Variants in BRD1 observed in about 807,000 individuals in gnomAD.
The protein encoded by BRD1 is bromodomain containing 1, also known as bromodomain-containing protein 1.
BRD1 carries 24 observed loss-of-function variants against 107.7 expected under a neutral mutation model. The ratio of observed to expected loss-of-function variants is 0.22; its 90% CI spans 0.16 to 0.31. The LOEUF (loss-of-function observed/expected upper bound fraction) is 0.31. Ranked by LOEUF, BRD1 falls within the 10% of genes least tolerant of loss-of-function variation. The probability of loss-of-function intolerance (pLI) is 1.00; values close to 1 mark genes in which losing one functional copy is unlikely to be tolerated. For missense variants in BRD1, 1,279 were observed against 1,638.6 expected (o/e 0.78, Z 3.79); for synonymous variants, 744 against 686.1 (o/e 1.08, Z -1.32).
At chr22:49,787,244 T>C in intron 8 of BRD1, 146 bp downstream of exon 8, 1 of 1,118,042 alleles carries the variant, frequency 8.9e-7, no homozygotes, top group Non-Finnish European at 1.2e-6. Flanking sequence ...AAGAAAACAC[T>C]GCACTGTTGT....
rs2060128138 is a variant in BRD1, at chr22:49,824,758, A to G, written c.-14-427T>C. ...CTGGACCCCACCAGGCACAGAGGCT[A>G]TGCCCACCAGACAGGCATGCTCAGT... On this transcript the variant is annotated intron_variant, in intron 1 of 12. Coordinates refer to ENST00000404760, the MANE Select transcript of BRD1 (RefSeq NM_001304808.3). The surrounding 1 kb of genome is among the most constrained non-coding windows in gnomAD (Gnocchi z 5.9). 9.7e-7 allele frequency: 1 copy of G among 1,033,114 alleles called. No individual in the cohort carries two copies. The highest frequency in any genetic ancestry group is 1.2e-6 in the Non-Finnish European group (1 of 857,512). The allele number at this position is 1,033,114 out of a possible 1,614,324, so 64.0% of individuals were successfully genotyped here. A position where few individuals can be genotyped will look rare whatever the true frequency, so the allele number is the denominator to read the frequency against.
chr22:49,784,436 G>A lies in BRD1; in HGVS notation c.2857+2954C>T, dbSNP rs558893672. Among the ~76,000 whole-genome samples the A allele has an allele frequency of 4.9e-4, 74 of 152,334 alleles. 1 individual carries two copies. Among genetic ancestry groups the A allele is most frequent in the Admixed American group, 9.8e-4 (15 of 15,302 alleles). ...TCACTGCTGGTGAGCGTGCAGTCAC[G>A]GAGGAAGGAAGCCACGAGTCAGGGC... On this transcript the variant is annotated intron_variant, in intron 8 of 12. Transcript: ENST00000404760.
intron 2 of BRD1, among the ~76,000 whole-genome samples, chr22:49,812,744 C>T (rs2059873966): frequency 6.6e-6 from 1 of 152,224 alleles, no homozygotes; most frequent in South Asian, 2.1e-4. Flanking sequence ...AAAGCTACTG[C>T]CCACTGTACA....
At chr22:49,789,185 C>G (rs951276255) in intron 7 of BRD1, among the ~76,000 whole-genome samples, 8 of 152,228 alleles carry the variant, frequency 5.3e-5, no homozygotes, top group African/African-American at 1.9e-4. Flanking sequence ...GCACAGCTGT[C>G]ATGTGGGAAT....
chr22:49,783,630 C>T lies in BRD1; in HGVS notation c.2857+3760G>A, dbSNP rs886221825. Among the ~76,000 whole-genome samples the T allele has an allele frequency of 3.3e-5, 5 of 152,150 alleles. No homozygotes were observed. The highest frequency in any genetic ancestry group is 7.3e-5 in the Non-Finnish European group (5 of 68,028). ...CCAGTCGGTGCCGGGCTCTCCTCTG[C>T]GTCCTTCGTGACTGTCCAGAGGGAA... On this transcript the variant is annotated intron_variant, in intron 8 of 12. Coordinates refer to ENST00000404760, the MANE Select transcript of BRD1 (RefSeq NM_001304808.3). This position sits in a 1 kb window ranked among gnomAD's most constrained non-coding sequence, Gnocchi z 4.2.
At chr22:49,814,406 C>T (rs1378726764) in intron 2 of BRD1, among the ~76,000 whole-genome samples, 1 of 152,170 alleles carries the variant, frequency 6.6e-6, no homozygotes, top group Non-Finnish European at 1.5e-5. Flanking sequence ...CGGCCAGAGC[C>T]CTGAATCTCA....
At chr22:49,798,899 G>A in intron 4 of BRD1, 89 bp downstream of exon 4, 2 of 1,502,482 alleles carry the variant, frequency 1.3e-6, no homozygotes, top group Non-Finnish European at 1.8e-6. Flanking sequence ...GACCCACCGG[G>A]TGCAGCCCAC....
chr22:49,803,383 T>C lies in BRD1; in HGVS notation c.1524+821A>G, dbSNP rs771886298. 6.6e-6 allele frequency among the ~76,000 whole-genome samples: 1 copy of C among 152,206 alleles called. No homozygotes were observed. The highest frequency in any genetic ancestry group is 1.5e-5 in the Non-Finnish European group (1 of 68,046). On this transcript the variant is annotated intron_variant, in intron 3 of 12. Coordinates refer to ENST00000404760, the MANE Select transcript of BRD1 (RefSeq NM_001304808.3). This position sits in a 1 kb window ranked among gnomAD's most constrained non-coding sequence, Gnocchi z 4.4. ...ACCATGAGGAAATTCCAAGAGGCAC[T>C]CAGGCCACGCGACGCCAGCAGCAGA...
chr22:49,776,941 C>T, intron 10 of BRD1, 93 bp downstream of exon 10: 1 of 1,544,724 alleles, frequency 6.5e-7, no homozygotes, highest in Non-Finnish European at 8.8e-7. Flanking sequence ...GGGCACCATG[C>T]TCCCTGAGCC....
chr22:49,787,340 C>A, intron 8 of BRD1, 50 bp downstream of exon 8: 1 of 1,425,102 alleles, frequency 7.0e-7, no homozygotes, highest in Non-Finnish European at 9.3e-7. Flanking sequence ...GAAGGACGCT[C>A]CAGGCACTGG....
intron 2 of BRD1, among the ~76,000 whole-genome samples, chr22:49,819,744 A>G (rs1180092251): frequency 6.6e-6 from 1 of 151,264 alleles, no homozygotes; most frequent in Non-Finnish European, 1.5e-5. Context: ...CCACACACCC[A>G]GCCCTGCCTG....
At position 49,783,167 on chromosome 22, in the gene BRD1, C is replaced by G. The variant is rs1569090860; in HGVS notation, c.2857+4223G>C. Among the ~76,000 whole-genome samples, 1 of 152,262 alleles carries G rather than the reference C, an allele frequency of 6.6e-6. No individual in the cohort carries two copies. The highest frequency in any genetic ancestry group is 2.1e-4 in the South Asian group (1 of 4,832). On this transcript the variant is annotated intron_variant, in intron 8 of 12. Transcript: ENST00000404760. The surrounding 1 kb of genome is among the most constrained non-coding windows in gnomAD (Gnocchi z 4.2). ...TCCATGACAATGCAGCTGGGATGGT[C>G]AGAGACAGACCCAAGGCCCAGGACA...
intron 12 of BRD1, among the ~76,000 whole-genome samples, 198 bp from the exon 13 acceptor site, chr22:49,774,614 TA>T (rs1476534982): frequency 1.3e-5 from 2 of 151,718 alleles, no homozygotes; most frequent in Non-Finnish European, 2.9e-5. Context: ...GACTTGGGGA[TA>T]CGGGGAGCTA....
intron 4 of BRD1, 106 bp downstream of exon 4, chr22:49,798,882 G>C: frequency 6.8e-7 from 1 of 1,473,332 alleles, no homozygotes; most frequent in Non-Finnish European, 9.0e-7. Context: ...GCACTGCTGT[G>C]GGCCAGGACC....
intron 12 of BRD1, 141 bp downstream of exon 12, chr22:49,775,450 G>A (rs2059062633): frequency 1.2e-6 from 1 of 821,516 alleles, no homozygotes; most frequent in Non-Finnish European, 1.7e-6. Flanking sequence ...CAGGCAAACA[G>A]CGGAGCACTC....
intron 12 of BRD1, among the ~76,000 whole-genome samples, chr22:49,774,632 G>A (rs1468563796): frequency 1.3e-5 from 2 of 152,096 alleles, no homozygotes; most frequent in Non-Finnish European, 2.9e-5. Context: ...GCTAAGTAAG[G>A]CATAAAAACC....
intron 9 of BRD1, 91 bp from the exon 10 acceptor site, chr22:49,777,252 T>C: frequency 3.8e-6 from 6 of 1,564,198 alleles, no homozygotes; most frequent in South Asian, 1.1e-5. Context: ...GCCACCAAGC[T>C]GGCCACGCAT....
intron 2 of BRD1, chr22:49,817,577 A>G (rs960603161): frequency 5.0e-6 from 1 of 199,836 alleles, no homozygotes; most frequent in Admixed American, 4.6e-5. Flanking sequence ...TGCTCTGTTC[A>G]CCTCCATCCA....
At chr22:49,822,917 G>A (rs2060096430) in intron 2 of BRD1, 34 bp downstream of exon 2, 7 of 1,604,068 alleles carry the variant, frequency 4.4e-6, no homozygotes, top group Non-Finnish European at 6.0e-6. Context: ...CACACTGCAG[G>A]CTCCTTGTGG....
Sources: allele counts gnomAD v4.1 joint callset (sites outside exome capture counted in the v4.1 genomes callset), GRCh38; gene constraint gnomAD v4.1.1; non-coding constraint Gnocchi (gnomAD v3.1); transcripts MANE v1.5; gene names NCBI Gene and HGNC (gene_info 2026-07-23, HGNC 2026-07-21).